Variants in KCNMA1 observed in about 807,000 individuals in gnomAD.
KCNMA1 encodes potassium calcium-activated channel subfamily M alpha 1.
KCNMA1 carries 29 observed loss-of-function variants against 140.0 expected under a neutral mutation model. The ratio of observed to expected loss-of-function variants is 0.21; its 90% CI spans 0.15 to 0.28. The LOEUF is 0.28. Ranked by LOEUF, KCNMA1 falls within the 10% of genes least tolerant of loss-of-function variation. The pLI is 1.00. For missense variants in KCNMA1, 880 were observed against 1,602.2 expected, an observed-to-expected ratio of 0.55 and a Z score of 7.70; for synonymous variants, 612 against 611.9, an observed-to-expected ratio of 1.00 and a Z score of 0.00.
chr10:76,930,454 T>A (rs1045400662), intron 23 of KCNMA1, among the ~76,000 whole-genome samples: 2 of 152,196 alleles, frequency 1.3e-5, no homozygotes, highest in Non-Finnish European at 2.9e-5. Context: ...ATTGCTATTA[T>A]TGAAAAGACA....
In KCNMA1 at chr10:77,473,836, T is replaced by C. The variant is rs151015537; in HGVS notation, c.379-69813A>G. Among the ~76,000 whole-genome samples the C allele has an allele frequency of 2.6e-4, 40 of 152,322 alleles. No individual in the cohort carries two copies. The East Asian group carries it at 6.6e-3, about 25-fold the overall frequency. On this transcript the variant is annotated intron_variant, in intron 1 of 27. Coordinates refer to ENST00000286628, the MANE Select transcript of KCNMA1 (RefSeq NM_001161352.2). ...GTCCTGATCCAAATTAGATCCTTAA[T>C]AACGTGTCACCATGGCTATAAATAA...
At chr10:77,508,549 A>T (rs1281022564) in intron 1 of KCNMA1, among the ~76,000 whole-genome samples, 14 of 147,682 alleles carry the variant, frequency 9.5e-5, no homozygotes, top group Non-Finnish European at 6.0e-5. Context: ...TACCATTGGA[A>T]CCACTTTTCC....
chr10:77,537,238 C>A (rs11002199), intron 1 of KCNMA1, among the ~76,000 whole-genome samples: 1 of 152,046 alleles, frequency 6.6e-6, no homozygotes, highest in African/African-American at 2.4e-5. Context: ...TCCCCTCCAC[C>A]CCCCTGCTCC....
intron 5 of KCNMA1, among the ~76,000 whole-genome samples, chr10:77,174,824 G>A (rs1312581913): frequency 1.3e-5 from 2 of 152,190 alleles, no homozygotes; most frequent in East Asian, 3.9e-4. Flanking sequence ...AGTTTAGAAA[G>A]TTAGGAGATG....
At chr10:77,512,029 G>A (rs2048579930) in intron 1 of KCNMA1, among the ~76,000 whole-genome samples, 1 of 152,184 alleles carries the variant, frequency 6.6e-6, no homozygotes, top group Non-Finnish European at 1.5e-5. Flanking sequence ...GATAAATTGA[G>A]GTGTTTGATG....
At chr10:77,209,633 G>A (rs1376020007) in intron 3 of KCNMA1, among the ~76,000 whole-genome samples, 2 of 151,912 alleles carry the variant, frequency 1.3e-5, no homozygotes, top group East Asian at 1.9e-4. Context: ...TTGGCTCTTC[G>A]AAAGAATATA....
chr10:77,154,410 A>C (rs12775320), intron 5 of KCNMA1, among the ~76,000 whole-genome samples: 1 of 152,074 alleles, frequency 6.6e-6, no homozygotes, highest in African/African-American at 2.4e-5. Context: ...CTAATGCTCA[A>C]TGAATGTCGC....
chr10:76,998,174 C>G (rs1350138514), intron 19 of KCNMA1, among the ~76,000 whole-genome samples: 1 of 152,100 alleles, frequency 6.6e-6, no homozygotes, highest in Non-Finnish European at 1.5e-5. Context: ...GCAGGCAGCC[C>G]CTGTTGTTAG....
At chr10:77,486,848 G>A (rs111494756) in intron 1 of KCNMA1, among the ~76,000 whole-genome samples, 1 of 152,178 alleles carries the variant, frequency 6.6e-6, no homozygotes, top group Admixed American at 6.5e-5. Flanking sequence ...GTCATGGAGG[G>A]GTTTCCCTTC....
chr10:77,177,273 CCTTT>C (rs1237877429), intron 5 of KCNMA1, among the ~76,000 whole-genome samples: 1 of 151,542 alleles, frequency 6.6e-6, no homozygotes, highest in Non-Finnish European at 1.5e-5. Flanking sequence ...TTCCTTCTTT[CCTTT>C]CTTCCTTCCT....
intron 1 of KCNMA1, among the ~76,000 whole-genome samples, chr10:77,420,006 A>G (rs2096833548): frequency 6.6e-6 from 1 of 152,258 alleles, no homozygotes; most frequent in South Asian, 2.1e-4. Flanking sequence ...AGCTCTGCCT[A>G]TAAACAAAGT....
At chr10:77,296,845 G>C (rs1038306592) in intron 2 of KCNMA1, among the ~76,000 whole-genome samples, 2 of 150,040 alleles carry the variant, frequency 1.3e-5, no homozygotes, top group African/African-American at 4.9e-5. Context: ...AAACAGATGA[G>C]AGGTCCTACC....
chr10:77,231,684 T>G (rs2199582), intron 3 of KCNMA1, among the ~76,000 whole-genome samples: 1 of 151,994 alleles, frequency 6.6e-6, no homozygotes, highest in Non-Finnish European at 1.5e-5. Context: ...CACACCCCAA[T>G]GGCCTCGGAC....
intron 2 of KCNMA1, among the ~76,000 whole-genome samples, chr10:77,396,149 C>A (rs1452130365): frequency 1.3e-5 from 2 of 152,120 alleles, no homozygotes; most frequent in African/African-American, 2.4e-5. Flanking sequence ...AACTGATTCC[C>A]AATAGCAGAG....
chr10:76,976,981 G>T (rs2077772454), intron 19 of KCNMA1, among the ~76,000 whole-genome samples: 1 of 152,124 alleles, frequency 6.6e-6, no homozygotes, highest in African/African-American at 2.4e-5. Flanking sequence ...TAGGAGATGG[G>T]AGATAATTTT....
At position 77,491,752 on chromosome 10, in the gene KCNMA1, CA is replaced by C. The variant is rs1400089896; in HGVS notation, c.379-87730del. ...ACACACACACACACACACACACACA[CA>C]CCCTACATATACCACCAGGGAGTCT... On this transcript the variant is annotated intron_variant, in intron 1 of 27. Coordinates refer to ENST00000286628, the MANE Select transcript of KCNMA1 (RefSeq NM_001161352.2). Among the ~76,000 whole-genome samples the C allele has an allele frequency of 2.7e-4, 39 of 145,412 alleles. No homozygotes were observed. In the East Asian group the frequency reaches 4.6e-3, roughly 17 times the overall value.
At chr10:77,401,855 C>G (rs2096278132) in intron 2 of KCNMA1, among the ~76,000 whole-genome samples, 1 of 152,184 alleles carries the variant, frequency 6.6e-6, no homozygotes, top group South Asian at 2.1e-4. Flanking sequence ...TCCCCACACT[C>G]CACAAGTGCA....
chr10:76,999,454 G>C (rs897272453), intron 19 of KCNMA1, among the ~76,000 whole-genome samples: 4 of 152,168 alleles, frequency 2.6e-5, no homozygotes, highest in African/African-American at 9.7e-5. Context: ...CCGGGGGCTT[G>C]TGGTTACTTT....
At chr10:77,229,154 G>A (rs942201222) in intron 3 of KCNMA1, among the ~76,000 whole-genome samples, 13 of 41,276 alleles carry the variant, frequency 3.1e-4, no homozygotes, top group African/African-American at 3.1e-3. Flanking sequence ...ATATGGACAC[G>A]ATGGAAAAGC....
Sources: gnomAD v4.1 joint callset for allele counts (sites outside exome capture counted in the v4.1 genomes callset) on GRCh38, gnomAD v4.1.1 for gene constraint, MANE v1.5 for transcripts, NCBI Gene and HGNC (gene_info 2026-07-23, HGNC 2026-07-21) for gene names.